The following DIS3L2 variants were observed in gnomAD, a reference collection of about 807,000 sequenced individuals.
DIS3L2 encodes the protein DIS3-like exonuclease 2.
In DIS3L2, 34 loss-of-function variants were observed where a neutral mutation model predicts 97.5. The ratio of observed to expected loss-of-function variants is 0.35; its 90% CI spans 0.27 to 0.46. DIS3L2 has a LOEUF of 0.46. DIS3L2 is among the 20% of genes least tolerant of loss of function. The pLI is 1.00. For synonymous variants in DIS3L2, 435 were observed against 445.2 expected (o/e 0.98, Z 0.29); for missense variants, 1,038 against 1,146.0 (o/e 0.91, Z 1.36).
chr2:232,306,019 G>T (rs375675422), intron 14 of DIS3L2, among the ~76,000 whole-genome samples: 5 of 152,166 alleles, frequency 3.3e-5, no homozygotes, highest in East Asian at 1.9e-4. Context: ...ACATACTGTG[G>T]GTTGTGGATG....
chr2:232,100,199 T>C (rs929702094), intron 6 of DIS3L2, among the ~76,000 whole-genome samples: 1 of 149,158 alleles, frequency 6.7e-6, no homozygotes, highest in African/African-American at 2.5e-5. Context: ...AATATTTTTT[T>C]TTTTTTTTTT....
intron 13 of DIS3L2, among the ~76,000 whole-genome samples, chr2:232,270,860 GTCTCTCTCTCTCTCTCTCTCTCTCTCTC>G (rs71056262): frequency 2.8e-4 from 29 of 103,874 alleles, no homozygotes; most frequent in Middle Eastern, 4.9e-3. Flanking sequence ...TCTTTTTCTC[GTCTCTCTCTCTCTCTCTCTCTCTCTCTC>G]TCTCTCTCTC....
intron 6 of DIS3L2, among the ~76,000 whole-genome samples, chr2:232,111,435 G>T (rs186070828): frequency 6.6e-6 from 1 of 151,910 alleles, no homozygotes; most frequent in African/African-American, 2.4e-5. Context: ...CAGATTCCTT[G>T]TACTTTGGGC....
intron 9 of DIS3L2, chr2:232,172,789 C>T (rs1691031378): frequency 1.9e-6 from 1 of 532,982 alleles, no homozygotes; most frequent in African/African-American, 1.9e-5. Flanking sequence ...CACTTGTTAT[C>T]TGTATTTGTG....
At chr2:232,041,372 G>A (rs1559565157) in intron 5 of DIS3L2, among the ~76,000 whole-genome samples, 1 of 152,178 alleles carries the variant, frequency 6.6e-6, no homozygotes, top group South Asian at 2.1e-4. Flanking sequence ...ATAGGAGGAA[G>A]GGGGTCCTAC....
chr2:231,998,764 A>C (rs1326349301), intron 1 of DIS3L2, among the ~76,000 whole-genome samples: 1 of 152,164 alleles, frequency 6.6e-6, no homozygotes, highest in African/African-American at 2.4e-5. Flanking sequence ...TTCTAATTCC[A>C]TTGTTTTTTC....
At chr2:232,200,931 C>T (rs1278371227) in intron 9 of DIS3L2, among the ~76,000 whole-genome samples, 3 of 152,060 alleles carry the variant, frequency 2.0e-5, no homozygotes, top group African/African-American at 4.8e-5. Flanking sequence ...TTACAGGTGC[C>T]GACCACCACG....
At chr2:232,342,223 A>G (rs1457308664) in intron 13 of DIS3L2, among the ~76,000 whole-genome samples, 1 of 149,040 alleles carries the variant, frequency 6.7e-6, no homozygotes, top group African/African-American at 2.5e-5. Context: ...ATATATACAC[A>G]TACATATATA....
At chr2:232,298,440 T>A (rs1013808020) in intron 13 of DIS3L2, among the ~76,000 whole-genome samples, 9 of 152,200 alleles carry the variant, frequency 5.9e-5, no homozygotes, top group Non-Finnish European at 7.3e-5. Flanking sequence ...GCTTTTAAAA[T>A]TATGTTTTAC....
intron 6 of DIS3L2, among the ~76,000 whole-genome samples, chr2:232,117,057 C>G (rs1445788269): frequency 6.6e-6 from 1 of 152,188 alleles, no homozygotes; most frequent in Non-Finnish European, 1.5e-5. Flanking sequence ...CATTTCAGCC[C>G]TGTTTCAGAG....
At chr2:232,335,610 T>G (rs1468713628) in intron 19 of DIS3L2, 163 bp from the exon 20 acceptor site, 1 of 706,386 alleles carries the variant, frequency 1.4e-6, no homozygotes, top group Non-Finnish European at 2.4e-6. Context: ...CTGCCTCAGC[T>G]GAAGGTGGCC....
At chr2:232,153,606 C>T (rs868393866) in intron 8 of DIS3L2, among the ~76,000 whole-genome samples, 8 of 82,278 alleles carry the variant, frequency 9.7e-5, no homozygotes, top group South Asian at 5.4e-4. Flanking sequence ...GAGGGTAACC[C>T]GACCTTTCTC....
chr2:232,033,514 T>C (rs1277324321), intron 5 of DIS3L2, among the ~76,000 whole-genome samples: 2 of 152,198 alleles, frequency 1.3e-5, no homozygotes, highest in East Asian at 3.8e-4. Context: ...CTACGTTGAA[T>C]AGAGTGCTGA....
At chr2:231,964,147 GTTT>G (rs1157731860) in intron 1 of DIS3L2, among the ~76,000 whole-genome samples, 1 of 152,114 alleles carries the variant, frequency 6.6e-6, no homozygotes, top group Non-Finnish European at 1.5e-5. Flanking sequence ...TTCTCCATTT[GTTT>G]TTTGTCAGTT....
At chr2:232,095,236 A>G (rs540111212) in intron 6 of DIS3L2, among the ~76,000 whole-genome samples, 3 of 152,108 alleles carry the variant, frequency 2.0e-5, no homozygotes, top group Non-Finnish European at 2.9e-5. Flanking sequence ...TCTTCTTTCC[A>G]TCTTCCTGTC....
intron 5 of DIS3L2, among the ~76,000 whole-genome samples, chr2:232,032,682 G>T (rs1694834090): frequency 6.6e-6 from 1 of 152,052 alleles, no homozygotes; most frequent in Admixed American, 6.5e-5. Flanking sequence ...TTTTGTATAA[G>T]GGGTCCAGTT....
intron 13 of DIS3L2, among the ~76,000 whole-genome samples, chr2:232,286,467 T>C (rs1427191386): frequency 1.3e-5 from 2 of 152,134 alleles, no homozygotes; most frequent in African/African-American, 4.8e-5. Flanking sequence ...AATTGGACCT[T>C]ATTGTTGTAG....
At chr2:232,132,533 G>T (rs1435248224) in intron 7 of DIS3L2, among the ~76,000 whole-genome samples, 2 of 152,158 alleles carry the variant, frequency 1.3e-5, no homozygotes, top group Non-Finnish European at 2.9e-5. Flanking sequence ...CAACATAACA[G>T]CAGGGACCTC....
chr2:232,033,961 A>G (rs986870004), intron 5 of DIS3L2, among the ~76,000 whole-genome samples: 1 of 152,068 alleles, frequency 6.6e-6, no homozygotes, highest in Non-Finnish European at 1.5e-5. Context: ...GGGTTTTGGT[A>G]TCAGGATGAT....
Sources: allele counts gnomAD v4.1 joint callset (sites outside exome capture counted in the v4.1 genomes callset), GRCh38; gene constraint gnomAD v4.1.1; transcripts MANE v1.5; gene names NCBI Gene and HGNC (gene_info 2026-07-23, HGNC 2026-07-21).